Variants in CMIP observed in about 807,000 individuals in gnomAD.
CMIP encodes the protein C-Maf-inducing protein.
A neutral mutation model predicts 97.3 loss-of-function variants in CMIP; 13 were observed. That is an observed-to-expected ratio of 0.13 (90% confidence interval 0.09 to 0.21). The LOEUF is 0.21. Among genes scored for constraint, CMIP ranks in the 10% least tolerant of loss-of-function variants. The pLI, the probability that CMIP is intolerant of heterozygous loss-of-function variation, is 1.00. For missense variants in CMIP, 847 were observed against 1,024.9 expected, an observed-to-expected ratio of 0.83 and a Z score of 2.37; for synonymous variants, 538 against 436.3, an observed-to-expected ratio of 1.23 and a Z score of -2.91.
chr16:81,540,080 G>A (rs1425420287), intron 1 of CMIP, among the ~76,000 whole-genome samples: 1 of 152,170 alleles, frequency 6.6e-6, no homozygotes, highest in Non-Finnish European at 1.5e-5. Context: ...ACCTTGAAAG[G>A]TCGTTTTTAG....
At chr16:81,459,669 C>T (rs1906785584) in intron 1 of CMIP, among the ~76,000 whole-genome samples, 1 of 152,216 alleles carries the variant, frequency 6.6e-6, no homozygotes, top group African/African-American at 2.4e-5. Flanking sequence ...GACTGGTGGC[C>T]TCCGGTCTGA....
chr16:81,692,655 A>G (rs941924207), intron 11 of CMIP, among the ~76,000 whole-genome samples: 1 of 152,136 alleles, frequency 6.6e-6, no homozygotes, highest in African/African-American at 2.4e-5. Flanking sequence ...GGCCGGAGAA[A>G]TCCACCTCCT....
In CMIP at chr16:81,444,963, C is replaced by A. The variant is rs1265591131; in HGVS notation, c.-279C>A. 1.4e-5 allele frequency among the ~76,000 whole-genome samples: 2 copies of A among 141,592 alleles called. No homozygotes were observed. Among genetic ancestry groups the A allele is most frequent in the Non-Finnish European group, 3.1e-5 (2 of 63,966 alleles). The allele number at this position is 141,592 out of a possible 152,430, so 92.9% of individuals were successfully genotyped here. Reference sequence around the variant, plus strand: ...CCGCCCTCGGCCTCCCCCGCCCCTCCCCGTCGCCCGCCGAGCCCGGTCAGC... The same window carrying A: ...CCGCCCTCGGCCTCCCCCGCCCCTCACCGTCGCCCGCCGAGCCCGGTCAGC... On this transcript the variant is annotated 5_prime_UTR_variant, in exon 1 of 21. Coordinates refer to ENST00000537098, the MANE Select transcript of CMIP (RefSeq NM_198390.3).
intron 3 of CMIP, among the ~76,000 whole-genome samples, chr16:81,648,629 A>G (rs2092392442): frequency 2.0e-5 from 3 of 151,924 alleles, no homozygotes; most frequent in Admixed American, 2.0e-4. Context: ...CTAAAAATAC[A>G]AAAATTAGCT....
intron 9 of CMIP, among the ~76,000 whole-genome samples, chr16:81,675,934 A>T (rs1308166104): frequency 6.6e-6 from 1 of 152,238 alleles, no homozygotes; most frequent in Non-Finnish European, 1.5e-5. Context: ...CTCTGTAAGT[A>T]GCAGGGTTGT....
intron 3 of CMIP, among the ~76,000 whole-genome samples, chr16:81,626,312 G>A (rs2092061990): frequency 6.6e-6 from 1 of 151,086 alleles, no homozygotes; most frequent in Admixed American, 6.6e-5. Flanking sequence ...TATTTTATGA[G>A]TGTGGTGAGG....
At chr16:81,642,254 A>T (rs1473120843) in intron 3 of CMIP, among the ~76,000 whole-genome samples, 2 of 152,182 alleles carry the variant, frequency 1.3e-5, no homozygotes, top group Non-Finnish European at 2.9e-5. Context: ...CTCACCCTTC[A>T]GCCAGACTGG....
At position 81,670,198 on chromosome 16, in the gene CMIP, G is replaced by C; in HGVS notation, c.882G>C (p.Leu294Phe). 1 of 1,611,950 alleles carries C rather than the reference G, an allele frequency of 6.2e-7. No individual in the cohort carries two copies. The highest frequency in any genetic ancestry group is 8.5e-7 in the Non-Finnish European group (1 of 1,179,168). ...RLFTQEYILALNELNAGMEVV... is the reference protein window; with the variant it reads ...RLFTQEYILAFNELNAGMEVV... ...TTACTCAGGAGTACATCCTTGCCTT[G>C]AACGAGCTCAACGCGGGGATGGAAG... The change falls in exon 8 of 21, where the codon TTG (leucine) becomes TTC (phenylalanine). Residue 294 changes from leucine (L) to phenylalanine (F), a missense_variant. Leu to Phe is a conservative substitution (Grantham distance 22). This residue lies in a region of CMIP where 285 missense variants were observed against 392.2 expected (regional missense o/e 0.73). Coordinates refer to ENST00000537098, the MANE Select transcript of CMIP (RefSeq NM_198390.3).
chr16:81,690,390 C>T (rs1905919641), intron 10 of CMIP, among the ~76,000 whole-genome samples: 1 of 152,174 alleles, frequency 6.6e-6, no homozygotes, highest in Admixed American at 6.5e-5. Context: ...AAGTTGGATT[C>T]CTGGGTATTT....
intron 1 of CMIP, among the ~76,000 whole-genome samples, chr16:81,543,995 T>C (rs1172610176): frequency 6.6e-6 from 1 of 152,258 alleles, no homozygotes; most frequent in Non-Finnish European, 1.5e-5. Context: ...AGCACATTTT[T>C]ATTGCATCCA....
intron 6 of CMIP, 50 bp downstream of exon 6, chr16:81,660,996 T>C (rs2092539539): frequency 6.2e-7 from 1 of 1,608,862 alleles, no homozygotes; most frequent in African/African-American, 1.3e-5. Context: ...AACCTCCCTC[T>C]GTGCGCATAC....
intron 3 of CMIP, among the ~76,000 whole-genome samples, chr16:81,639,121 G>A (rs149023374): frequency 6.2e-4 from 95 of 152,286 alleles, no homozygotes; most frequent in African/African-American, 2.2e-3. Flanking sequence ...CAGAATCCTG[G>A]TTCCTACAGG....
chr16:81,483,481 G>A (rs923361755), intron 1 of CMIP, among the ~76,000 whole-genome samples: 2 of 152,142 alleles, frequency 1.3e-5, no homozygotes, highest in African/African-American at 2.4e-5. Context: ...AGAGGAGAGA[G>A]CTGTGTCTGC....
rs1287471440 is a variant in CMIP at position 81,501,099 on chromosome 16, CCTA to C, written c.300+55561_300+55563del. ...GCTCAAGTGCCGGAGCTTTCTAAGACCTACTGAGAATCTGAAACTTCAGGCCAG... is the reference window on the plus strand; with the variant it reads ...GCTCAAGTGCCGGAGCTTTCTAAGACCTGAGAATCTGAAACTTCAGGCCAG... On this transcript the variant is annotated intron_variant, in intron 1 of 20. Transcript: ENST00000537098. Among the ~76,000 whole-genome samples, 12 of 152,346 alleles carry C rather than the reference CCTA, an allele frequency of 7.9e-5. 2 individuals carry two copies. The highest frequency in any genetic ancestry group is 2.9e-4 in the African/African-American group (12 of 41,580).
intron 10 of CMIP, among the ~76,000 whole-genome samples, chr16:81,689,839 T>G (rs995491910): frequency 6.6e-6 from 1 of 152,228 alleles, no homozygotes; most frequent in Non-Finnish European, 1.5e-5. Context: ...GCATAAGGTG[T>G]AAGGAAGGGA....
intron 1 of CMIP, among the ~76,000 whole-genome samples, chr16:81,586,307 GT>G (rs1253461998): frequency 5.3e-5 from 8 of 152,164 alleles, no homozygotes; most frequent in African/African-American, 1.4e-4. Context: ...TAGTAGAGGC[GT>G]GATGCATCTC....
chr16:81,506,239 G>A (rs2089706985), intron 1 of CMIP, among the ~76,000 whole-genome samples: 1 of 152,056 alleles, frequency 6.6e-6, no homozygotes, highest in African/African-American at 2.4e-5. Flanking sequence ...AGGCCTGTGT[G>A]ATCCTGAGCC....
At chr16:81,508,076 C>T (rs16955460) in intron 1 of CMIP, among the ~76,000 whole-genome samples, 36,871 of 152,188 alleles carry the variant, frequency 0.24, 5,547 homozygotes, top group African/African-American at 0.43. Context: ...AAAGCAGGAG[C>T]ATTCCTCCCC....
intron 1 of CMIP, among the ~76,000 whole-genome samples, chr16:81,573,535 C>T (rs962263421): frequency 2.0e-5 from 3 of 151,914 alleles, no homozygotes; most frequent in African/African-American, 7.3e-5. Context: ...CATCGAAGCT[C>T]ATATTTGATG....
Sources: allele counts gnomAD v4.1 joint callset (sites outside exome capture counted in the v4.1 genomes callset), GRCh38; gene constraint gnomAD v4.1.1; regional missense constraint gnomAD v4.1.1; transcripts MANE v1.5; gene names NCBI Gene and HGNC (gene_info 2026-07-23, HGNC 2026-07-21).